Variants in CSMD3 observed in about 807,000 individuals in gnomAD.
The protein encoded by CSMD3 is CUB and sushi domain-containing protein 3.
In CSMD3, 177 loss-of-function variants were observed where a neutral mutation model predicts 435.2. The ratio of observed to expected loss-of-function variants is 0.41; its 90% CI spans 0.36 to 0.46. CSMD3 has a LOEUF of 0.46. CSMD3 is among the 20% of genes least tolerant of loss of function. The pLI is 0.34. For synonymous variants in CSMD3, 1,656 were observed against 1,520.5 expected (o/e 1.09, Z -2.07); for missense variants, 4,265 against 4,504.6 (o/e 0.95, Z 1.52).
intron 13 of CSMD3, among the ~76,000 whole-genome samples, chr8:112,789,681 T>A (rs1475941349): frequency 6.6e-6 from 1 of 152,046 alleles, no homozygotes; most frequent in Non-Finnish European, 1.5e-5. Flanking sequence ...TAAACAAAGT[T>A]TTTATTATTG....
At chr8:112,650,108 T>A (rs2075086611) in intron 19 of CSMD3, 53 bp downstream of exon 19, 2 of 1,298,080 alleles carry the variant, frequency 1.5e-6, no homozygotes, top group Non-Finnish European at 2.2e-6. Context: ...AAAAACTACA[T>A]TGATTTTTCT....
intron 43 of CSMD3, among the ~76,000 whole-genome samples, chr8:112,337,275 T>G (rs1047122113): frequency 6.6e-6 from 1 of 152,130 alleles, no homozygotes; most frequent in African/African-American, 2.4e-5. Flanking sequence ...CAAACCCACA[T>G]GCACCCCCTT....
chr8:112,248,290 A>C (rs561563772), intron 63 of CSMD3, among the ~76,000 whole-genome samples: 1 of 152,146 alleles, frequency 6.6e-6, no homozygotes, highest in Admixed American at 6.6e-5. Flanking sequence ...AATTGGAGAC[A>C]TAAGTAAGAA....
intron 5 of CSMD3, among the ~76,000 whole-genome samples, chr8:113,078,031 C>G (rs948056636): frequency 6.6e-6 from 1 of 152,152 alleles, no homozygotes; most frequent in African/African-American, 2.4e-5. Flanking sequence ...TAAAAACTAT[C>G]TATTCACATG....
chr8:112,960,881 T>A (rs1372756944), intron 7 of CSMD3, among the ~76,000 whole-genome samples: 1 of 151,704 alleles, frequency 6.6e-6, no homozygotes, highest in Non-Finnish European at 1.5e-5. Flanking sequence ...ATTTAAAAAA[T>A]CATTAGAGAC....
At chr8:112,464,897 T>G (rs1157191821) in intron 32 of CSMD3, among the ~76,000 whole-genome samples, 2 of 152,166 alleles carry the variant, frequency 1.3e-5, no homozygotes, top group Non-Finnish European at 2.9e-5. Flanking sequence ...GAAGTATGCC[T>G]CATTTTAATC....
chr8:112,594,306 G>A (rs779403546), intron 22 of CSMD3, among the ~76,000 whole-genome samples: 4 of 152,248 alleles, frequency 2.6e-5, no homozygotes, highest in East Asian at 1.9e-4. Context: ...TGCGCTTTTC[G>A]GACCGGCTTA....
At chr8:112,831,824 A>G (rs2079884756) in intron 11 of CSMD3, among the ~76,000 whole-genome samples, 1 of 152,090 alleles carries the variant, frequency 6.6e-6, no homozygotes, top group South Asian at 2.1e-4. Flanking sequence ...TGGAAATTTT[A>G]TTTTTATTTT....
rs537540015 is a variant in CSMD3, at chr8:112,866,569, CG to C, written c.1634-7304del. ...ATCAAGTTTGATTCAAATGTATTTG[CG>C]GCATTTCCCTTTCTGTGGTTGTTCA... On this transcript the variant is annotated intron_variant, in intron 10 of 70. Coordinates refer to ENST00000297405, the MANE Select transcript of CSMD3 (RefSeq NM_198123.2). Among the ~76,000 whole-genome samples, 9 of 152,200 alleles carry C rather than the reference CG, an allele frequency of 5.9e-5. No individual in the cohort carries two copies. In the South Asian group the frequency reaches 1.9e-3, roughly 32 times the overall value.
intron 13 of CSMD3, 112 bp downstream of exon 13, chr8:112,800,049 TG>T: frequency 1.4e-6 from 1 of 713,714 alleles, no homozygotes; most frequent in South Asian, 1.5e-5. Flanking sequence ...TTTGTTGAAA[TG>T]TAGCATGTGT....
At chr8:113,029,910 T>TA (rs1203476533) in intron 5 of CSMD3, among the ~76,000 whole-genome samples, 6 of 150,940 alleles carry the variant, frequency 4.0e-5, no homozygotes, top group South Asian at 2.1e-4. Flanking sequence ...CTAGAACTGA[T>TA]AAAAAAAAAT....
intron 4 of CSMD3, among the ~76,000 whole-genome samples, chr8:113,100,103 T>G (rs1456365389): frequency 6.6e-6 from 1 of 152,132 alleles, no homozygotes; most frequent in Non-Finnish European, 1.5e-5. Flanking sequence ...ATTACTGTAT[T>G]ATATGCATCA....
chr8:112,236,257 A>G (rs1813589160), intron 67 of CSMD3, among the ~76,000 whole-genome samples: 2 of 151,888 alleles, frequency 1.3e-5, no homozygotes, highest in Non-Finnish European at 2.9e-5. Context: ...ACAGACAAGA[A>G]TTTTACAGTT....
intron 38 of CSMD3, among the ~76,000 whole-genome samples, chr8:112,361,659 C>A (rs1426965581): frequency 7.2e-6 from 1 of 138,238 alleles, no homozygotes; most frequent in Non-Finnish European, 1.5e-5. Context: ...GAGTGATTAA[C>A]GCATTGAGAT....
chr8:112,731,490 T>C (rs2077073830), intron 13 of CSMD3, among the ~76,000 whole-genome samples: 1 of 152,136 alleles, frequency 6.6e-6, no homozygotes, highest in South Asian at 2.1e-4. Context: ...AGTAATGCCA[T>C]TTATGAACAT....
chr8:112,361,037 G>C (rs1417645471), intron 38 of CSMD3, among the ~76,000 whole-genome samples: 2 of 151,852 alleles, frequency 1.3e-5, no homozygotes, highest in Admixed American at 1.3e-4. Context: ...CTCTTTATAA[G>C]TGACAAAATC....
At chr8:112,534,242 T>G (rs1378126654) in intron 27 of CSMD3, among the ~76,000 whole-genome samples, 3 of 152,042 alleles carry the variant, frequency 2.0e-5, no homozygotes, top group Non-Finnish European at 4.4e-5. Flanking sequence ...GGAGCTGGTT[T>G]TTTGAAAGGA....
intron 1 of CSMD3, among the ~76,000 whole-genome samples, chr8:113,405,343 A>G (rs2094527994): frequency 6.6e-6 from 1 of 151,566 alleles, no homozygotes; most frequent in Non-Finnish European, 1.5e-5. Context: ...ACATGGACAA[A>G]TTTCCTAACA....
chr8:113,405,949 G>A (rs1462895735), intron 1 of CSMD3, among the ~76,000 whole-genome samples: 1 of 151,736 alleles, frequency 6.6e-6, no homozygotes, highest in African/African-American at 2.4e-5. Context: ...TGTTTTACGA[G>A]TTGCATTGAA....
Sources: gnomAD v4.1 joint callset for allele counts (sites outside exome capture counted in the v4.1 genomes callset) on GRCh38, gnomAD v4.1.1 for gene constraint, MANE v1.5 for transcripts, NCBI Gene and HGNC (gene_info 2026-07-23, HGNC 2026-07-21) for gene names.